LATS1: variants seen among roughly 807,000 people sequenced by gnomAD.
LATS1 encodes large tumor suppressor kinase 1.
LATS1 carries 25 observed loss-of-function variants against 106.6 expected under a neutral mutation model. The observed-to-expected ratio is 0.23, with a 90% confidence interval of 0.17 to 0.33. LATS1 has a LOEUF of 0.33. Ranked by LOEUF, LATS1 falls within the 10% of genes least tolerant of loss-of-function variation. The pLI is 1.00. For synonymous variants in LATS1, 465 were observed against 455.6 expected (o/e 1.02, Z -0.26); for missense variants, 1,040 against 1,382.6 (o/e 0.75, Z 3.93).
chr6:149,695,721 A>C (rs377380663), intron 2 of LATS1, among the ~76,000 whole-genome samples: 14 of 151,878 alleles, frequency 9.2e-5, no homozygotes, highest in African/African-American at 3.4e-4. Context: ...CAAATCTTCC[A>C]AATGTTTCTT....
intron 1 of LATS1, among the ~76,000 whole-genome samples, chr6:149,714,745 G>A (rs997362202): frequency 1.3e-5 from 2 of 152,150 alleles, no homozygotes; most frequent in African/African-American, 4.8e-5. Context: ...ATGAAAAGCA[G>A]CCTGTTATCA....
intron 4 of LATS1, among the ~76,000 whole-genome samples, chr6:149,682,005 G>A (rs1782059044): frequency 6.6e-6 from 1 of 152,004 alleles, no homozygotes; most frequent in Non-Finnish European, 1.5e-5. Flanking sequence ...CCAGCTAGTG[G>A]GGAGGCTGAG....
At chr6:149,667,567 A>G (rs148422153) in intron 7 of LATS1, among the ~76,000 whole-genome samples, 2,438 of 152,076 alleles carry the variant, frequency 0.016, 76 homozygotes, top group African/African-American at 0.056. Flanking sequence ...AATCTGTGGG[A>G]CCACACCAAA....
At chr6:149,701,414 A>T (rs187156992) in intron 2 of LATS1, among the ~76,000 whole-genome samples, 6 of 152,238 alleles carry the variant, frequency 3.9e-5, no homozygotes, top group Admixed American at 2.6e-4. Flanking sequence ...ATATCCTTGG[A>T]ACTATCATTT....
intron 5 of LATS1, among the ~76,000 whole-genome samples, chr6:149,679,549 C>CA (rs57395928): frequency 0.097 from 6,377 of 65,972 alleles, 402 homozygotes; most frequent in African/African-American, 0.21. Flanking sequence ...GAGACTCCAT[C>CA]AAAAAAAAAA....
intron 7 of LATS1, among the ~76,000 whole-genome samples, chr6:149,667,115 G>GA (rs1003585643): frequency 2.0e-5 from 3 of 151,514 alleles, no homozygotes; most frequent in Admixed American, 2.0e-4. Flanking sequence ...GATGTCAGAG[G>GA]AAAAAAAATC....
chr6:149,675,758 T>G (rs1028144015), intron 7 of LATS1: 1 of 152,478 alleles, frequency 6.6e-6, no homozygotes. Context: ...GGTTTCGCCA[T>G]GTTGGCCAGG....
chr6:149,712,837 T>C (rs1467555245), intron 1 of LATS1, among the ~76,000 whole-genome samples: 1 of 151,786 alleles, frequency 6.6e-6, no homozygotes, highest in Non-Finnish European at 1.5e-5. Context: ...CTACAAAAAA[T>C]AGAAAAAATC....
intron 1 of LATS1, chr6:149,716,320 T>C (rs1171107498): frequency 6.6e-6 from 1 of 152,202 alleles, no homozygotes; most frequent in Non-Finnish European, 1.5e-5. Flanking sequence ...CGAGTTCCCA[T>C]CTTTAAAGGA....
Position 149,700,975 on chromosome 6 carries a change from G to T in LATS1, c.348+804C>A, listed in dbSNP as rs572956893. On this transcript the variant is annotated intron_variant, in intron 2 of 7. Transcript: ENST00000543571. The stretch of plus-strand genomic sequence containing the variant: ...ATTTGATATCTTTAGTAGAGACAGG[G>T]TTTCACCATGTTGGTTAGGCTGGTC... Among the ~76,000 whole-genome samples the T allele has an allele frequency of 4.6e-5, 7 of 152,250 alleles. No homozygotes were observed. The East Asian group carries it at 1.4e-3, about 29-fold the overall frequency.
At chr6:149,678,927 T>C (rs1453208671) in intron 5 of LATS1, among the ~76,000 whole-genome samples, 1 of 152,146 alleles carries the variant, frequency 6.6e-6, no homozygotes, top group Non-Finnish European at 1.5e-5. Flanking sequence ...TGTGTAACAG[T>C]CATGTAATGA....
chr6:149,711,149 T>A (rs1251944737), intron 1 of LATS1, among the ~76,000 whole-genome samples: 1 of 151,992 alleles, frequency 6.6e-6, no homozygotes, highest in Non-Finnish European at 1.5e-5. Flanking sequence ...TACCAATACA[T>A]GTGAACTTCG....
chr6:149,707,517 A>G (rs1783855761), intron 1 of LATS1, among the ~76,000 whole-genome samples: 1 of 152,158 alleles, frequency 6.6e-6, no homozygotes, highest in Non-Finnish European at 1.5e-5. Flanking sequence ...TGAGATTTAC[A>G]TTCCATGTAG....
At position 149,659,907 on chromosome 6, in the gene LATS1, T is replaced by C. The variant is rs1319680024; in HGVS notation, c.*1822A>G. The C allele has an allele frequency of 8.7e-6, 2 of 229,152 alleles. No individual in the cohort carries two copies. The highest frequency in any genetic ancestry group is 1.3e-4 in the East Asian group (2 of 15,924). 14.2% of individuals were successfully genotyped at this position (229,152 alleles called of 1,614,324 possible). A position where few individuals can be genotyped will look rare whatever the true frequency, so the allele number is the denominator to read the frequency against. On this transcript the variant is annotated 3_prime_UTR_variant, in exon 8 of 8. Coordinates refer to ENST00000543571, the MANE Select transcript of LATS1 (RefSeq NM_004690.4). The stretch of plus-strand genomic sequence containing the variant: ...TTTCAGTCCCCTCCAAATGATATAT[T>C]AAAACAACTTAATGTACCAGCAAGA...
chr6:149,699,582 A>G (rs1172397553), intron 2 of LATS1, among the ~76,000 whole-genome samples: 2 of 152,236 alleles, frequency 1.3e-5, no homozygotes, highest in East Asian at 3.8e-4. Flanking sequence ...TGACAATTTG[A>G]AATGTGTAAT....
intron 4 of LATS1, among the ~76,000 whole-genome samples, chr6:149,682,140 C>T (rs891477739): frequency 1.3e-5 from 2 of 151,318 alleles, no homozygotes; most frequent in Admixed American, 1.3e-4. Context: ...GATCGTACTA[C>T]CTTAATATCT....
intron 3 of LATS1, among the ~76,000 whole-genome samples, chr6:149,691,248 C>T (rs543166996): frequency 1.3e-5 from 2 of 152,256 alleles, no homozygotes; most frequent in Non-Finnish European, 2.9e-5. Flanking sequence ...ATGGAGACCC[C>T]AGACACATGC....
chr6:149,668,684 A>G (rs929775589), intron 7 of LATS1, among the ~76,000 whole-genome samples: 19 of 151,688 alleles, frequency 1.3e-4, no homozygotes, highest in South Asian at 4.2e-4. Flanking sequence ...ACTTCAAGCA[A>G]TCCTCTTGCG....
At position 149,685,131 on chromosome 6, in the gene LATS1, G is replaced by A. The variant is rs551966584; in HGVS notation, c.497-539C>T. Among the ~76,000 whole-genome samples, 13 of 151,994 alleles carry A rather than the reference G, an allele frequency of 8.6e-5. No homozygotes were observed. The East Asian group carries it at 2.1e-3, about 25-fold the overall frequency. ...TGTGCACCTGTAGTCCCAGCCACTCGGGAGGCTGAGGCAGGAGAATTGCAT... is the reference window on the plus strand; with the variant it reads ...TGTGCACCTGTAGTCCCAGCCACTCAGGAGGCTGAGGCAGGAGAATTGCAT... On this transcript the variant is annotated intron_variant, in intron 3 of 7. Transcript: ENST00000543571.
Sources: allele counts gnomAD v4.1 joint callset (sites outside exome capture counted in the v4.1 genomes callset), GRCh38; gene constraint gnomAD v4.1.1; transcripts MANE v1.5; gene names NCBI Gene and HGNC (gene_info 2026-07-23, HGNC 2026-07-21).